Variants in LINGO2 observed in about 807,000 individuals in gnomAD.
LINGO2 encodes leucine-rich repeat and immunoglobulin-like domain-containing nogo receptor-interacting protein 2.
LINGO2 carries 14 observed loss-of-function variants against 30.6 expected under a neutral mutation model. That is an observed-to-expected ratio of 0.46 (90% confidence interval 0.30 to 0.72). LINGO2 has a LOEUF of 0.72. Ranked by LOEUF, LINGO2 falls within the 30% of genes least tolerant of loss-of-function variation. LINGO2 has a pLI of 0.07. For missense variants in LINGO2, 729 were observed against 751.7 expected (o/e 0.97, Z 0.35); for synonymous variants, 317 against 288.5 (o/e 1.10, Z -1.00).
the LINGO2 span, among the ~76,000 whole-genome samples, chr9:28,883,612 T>C: frequency 3.3e-4 from 29 of 87,786 alleles, 1 homozygote; most frequent in Admixed American, 1.4e-3. Context: ...CAAATATATA[T>C]AAAATATGTG....
chr9:29,036,055 G>A, the LINGO2 span, among the ~76,000 whole-genome samples: 1 of 152,044 alleles, frequency 6.6e-6, no homozygotes, highest in African/African-American at 2.4e-5. Context: ...TCATTTAAAA[G>A]ACTGAGTAAT....
At chr9:28,991,638 G>A in the LINGO2 span, among the ~76,000 whole-genome samples, 1 of 149,462 alleles carries the variant, frequency 6.7e-6, no homozygotes, top group East Asian at 2.0e-4. Flanking sequence ...ACCCACAAAG[G>A]GAAGCCCATC....
chr9:29,118,818 G>A, the LINGO2 span, among the ~76,000 whole-genome samples: 37,110 of 151,980 alleles, frequency 0.24, 4,718 homozygotes, highest in East Asian at 0.44. Context: ...ACTTGGCTCC[G>A]GGCCCACGCT....
the LINGO2 span, among the ~76,000 whole-genome samples, chr9:28,848,283 C>G: frequency 2.4e-5 from 2 of 82,492 alleles, no homozygotes; most frequent in Non-Finnish European, 4.1e-5. Flanking sequence ...TATATATACA[C>G]TATGCATATA....
intron 4 of LINGO2, among the ~76,000 whole-genome samples, chr9:28,034,974 A>G (rs1823860989): frequency 6.6e-6 from 1 of 152,226 alleles, no homozygotes; most frequent in Admixed American, 6.5e-5. Flanking sequence ...GTACATGAGA[A>G]GTATCTATCA....
At chr9:28,425,329 GTA>G (rs3064825) in intron 2 of LINGO2, among the ~76,000 whole-genome samples, 25 of 139,356 alleles carry the variant, frequency 1.8e-4, no homozygotes, top group Non-Finnish European at 2.4e-4. Context: ...ATGTGTGTGT[GTA>G]TATATATATA....
chr9:29,032,943 C>T, the LINGO2 span, among the ~76,000 whole-genome samples: 2 of 151,948 alleles, frequency 1.3e-5, no homozygotes, highest in Admixed American at 1.3e-4. Context: ...TTAAACTAAG[C>T]CTAATTAAAC....
At chr9:28,712,429 G>C in the LINGO2 span, among the ~76,000 whole-genome samples, 1 of 150,862 alleles carries the variant, frequency 6.6e-6, no homozygotes, top group Admixed American at 6.7e-5. Flanking sequence ...CCCAAGCCTA[G>C]GGTTCTTTGG....
chr9:29,148,345 A>G, the LINGO2 span, among the ~76,000 whole-genome samples: 8 of 152,158 alleles, frequency 5.3e-5, no homozygotes, highest in Non-Finnish European at 1.0e-4. Context: ...AGCATTTCTC[A>G]CATGTGGCCC....
the LINGO2 span, among the ~76,000 whole-genome samples, chr9:29,061,477 A>T: frequency 1.3e-5 from 2 of 151,424 alleles, no homozygotes; most frequent in African/African-American, 4.8e-5. Context: ...GCTGGTATTA[A>T]AAAAAAATAC....
chr9:28,190,512 C>G (rs922930081), intron 4 of LINGO2, among the ~76,000 whole-genome samples: 23 of 152,038 alleles, frequency 1.5e-4, no homozygotes, highest in African/African-American at 5.6e-4. Context: ...GATTCGTGCC[C>G]TTATAAAAGA....
the LINGO2 span, among the ~76,000 whole-genome samples, chr9:28,774,708 A>G: frequency 5.9e-5 from 9 of 152,216 alleles, no homozygotes; most frequent in Admixed American, 1.3e-4. Flanking sequence ...TTACAATCCA[A>G]TATGTAGTGG....
chr9:28,913,830 A>G, the LINGO2 span, among the ~76,000 whole-genome samples: 12 of 152,276 alleles, frequency 7.9e-5, no homozygotes, highest in East Asian at 2.1e-3. Flanking sequence ...GAAAGTTTTC[A>G]TGACCAAGTA....
chr9:28,734,819 G>A, the LINGO2 span, among the ~76,000 whole-genome samples: 1 of 152,004 alleles, frequency 6.6e-6, no homozygotes, highest in Non-Finnish European at 1.5e-5. Flanking sequence ...CTCCACCAGC[G>A]ACCACTGCTT....
chr9:28,292,379 A>G (rs67170605), intron 4 of LINGO2, among the ~76,000 whole-genome samples: 11,112 of 152,232 alleles, frequency 0.073, 734 homozygotes, highest in East Asian at 0.38. Flanking sequence ...GGATTTTCCC[A>G]GTATCTTTCT....
chr9:28,727,979 T>C, the LINGO2 span, among the ~76,000 whole-genome samples: 3 of 152,060 alleles, frequency 2.0e-5, no homozygotes, highest in African/African-American at 7.2e-5. Flanking sequence ...GGCCATGGGA[T>C]CTCAACAGAG....
Position 28,147,888 on chromosome 9 carries a change from A to G in LINGO2, c.-86-135483T>C, listed in dbSNP as rs1358910393. On this transcript the variant is annotated intron_variant, in intron 4 of 5. Transcript: ENST00000379992. This position sits in a 1 kb window ranked among gnomAD's most constrained non-coding sequence, Gnocchi z 4.7. ...CCCCATAGTGATGTCATAAACTCCC[A>G]GATGCCCAGTGTGCACCCGGCCACA... Among the ~76,000 whole-genome samples, 1 of 152,172 alleles carries G rather than the reference A, an allele frequency of 6.6e-6. No homozygotes were observed. Among genetic ancestry groups the G allele is most frequent in the Non-Finnish European group, 1.5e-5 (1 of 68,032 alleles).
the LINGO2 span, among the ~76,000 whole-genome samples, chr9:28,767,809 T>C: frequency 2.5e-4 from 32 of 129,548 alleles, no homozygotes; most frequent in African/African-American, 8.2e-4. Flanking sequence ...AAAAAAAAAG[T>C]TCATGCCTTT....
At chr9:28,453,780 A>T (rs1824739683) in intron 2 of LINGO2, among the ~76,000 whole-genome samples, 1 of 151,928 alleles carries the variant, frequency 6.6e-6, no homozygotes, top group Admixed American at 6.6e-5. Context: ...AACCACCTTC[A>T]GGGCCCACAG....
Sources: gnomAD v4.1 joint callset for allele counts (sites outside exome capture counted in the v4.1 genomes callset) on GRCh38, gnomAD v4.1.1 for gene constraint, Gnocchi (gnomAD v3.1) non-coding constraint, MANE v1.5 for transcripts, NCBI Gene and HGNC (gene_info 2026-07-23, HGNC 2026-07-21) for gene names.